Variants in GTF2A1L observed in about 807,000 individuals in gnomAD.
GTF2A1L encodes the protein general transcription factor IIA subunit 1 like.
In GTF2A1L, 48 loss-of-function variants were observed where a neutral mutation model predicts 49.7. The observed-to-expected ratio is 0.97, with a 90% CI of 0.77 to 1.23. GTF2A1L has a LOEUF of 1.23. GTF2A1L is among the 50% of genes most tolerant of loss of function. GTF2A1L has a pLI of 0.00. For missense variants in GTF2A1L, 736 were observed against 564.8 expected, an observed-to-expected ratio of 1.30 and a Z score of -3.07; for synonymous variants, 246 against 193.5, an observed-to-expected ratio of 1.27 and a Z score of -2.25.
At chr2:48,635,109 G>C (rs964416693) in intron 3 of GTF2A1L, among the ~76,000 whole-genome samples, 2 of 152,204 alleles carry the variant, frequency 1.3e-5, no homozygotes, top group Admixed American at 1.3e-4. Context: ...CCTGGGCATG[G>C]AGTGGAGAGG....
intron 3 of GTF2A1L, among the ~76,000 whole-genome samples, chr2:48,639,445 G>T (rs1253489756): frequency 6.6e-6 from 1 of 152,128 alleles, no homozygotes; most frequent in Non-Finnish European, 1.5e-5. Flanking sequence ...GTAAGCAATG[G>T]TGAAAGCACT....
chr2:48,659,266 C>G (rs917373105), intron 6 of GTF2A1L, among the ~76,000 whole-genome samples: 1 of 152,062 alleles, frequency 6.6e-6, no homozygotes, highest in Admixed American at 6.6e-5. Flanking sequence ...TTGAATTATT[C>G]CATCAAATAT....
intron 3 of GTF2A1L, 83 bp downstream of exon 3, chr2:48,621,373 A>G: frequency 6.3e-7 from 1 of 1,593,938 alleles, no homozygotes; most frequent in African/African-American, 1.3e-5. Context: ...TAGACAGGGT[A>G]ATGTTCTTAG....
intron 6 of GTF2A1L, among the ~76,000 whole-genome samples, chr2:48,659,274 T>C (rs1252096769): frequency 6.6e-6 from 1 of 152,132 alleles, no homozygotes; most frequent in East Asian, 1.9e-4. Flanking sequence ...TTCCATCAAA[T>C]ATGTTTTCTA....
At chr2:48,625,526 G>C (rs1676245943) in intron 3 of GTF2A1L, among the ~76,000 whole-genome samples, 1 of 143,576 alleles carries the variant, frequency 7.0e-6, no homozygotes, top group Non-Finnish European at 1.6e-5. Context: ...GTTTTATTTT[G>C]TTATTTGTTT....
Position 48,642,377 on chromosome 2 carries a change from T to A in GTF2A1L, c.248-25T>A, listed in dbSNP as rs760245087. 5.2e-6 allele frequency: 8 copies of A among 1,543,558 alleles called. No homozygotes were observed. The Admixed American group carries it at 1.2e-4, about 23-fold the overall frequency. On this transcript the variant is annotated intron_variant, in intron 3 of 8. Transcript: ENST00000403751. ...TTAAATTGGTAAATTCTAATGAATG[T>A]ATATTTATTTTGTTTCCTATGCAGC...
At chr2:48,637,796 A>C (rs996182214) in intron 3 of GTF2A1L, among the ~76,000 whole-genome samples, 3 of 152,166 alleles carry the variant, frequency 2.0e-5, no homozygotes, top group African/African-American at 7.2e-5. Context: ...CACTGACCCC[A>C]CAGAAATAAA....
chr2:48,643,693 A>ATTTTTTTTTTT (rs71399070), intron 4 of GTF2A1L, among the ~76,000 whole-genome samples: 1 of 120,786 alleles, frequency 8.3e-6, no homozygotes, highest in African/African-American at 2.9e-5. Flanking sequence ...TATTAATACA[A>ATTTTTTTTTTT]TTTTTTTTTT....
Position 48,646,639 on chromosome 2 carries a change from C to G in GTF2A1L, c.575C>G (p.Thr192Ser). ...ATTEKSQRIETVLQQPAILPS... is the reference protein window; with the variant it reads ...ATTEKSQRIESVLQQPAILPS... ...ACTGAAAAATCACAGAGAATTGAAA[C>G]CGTGCTACAGCAACCCGCAATTCTA... Residue 192 changes from threonine to serine, a missense_variant, in exon 6 of 9, where the codon ACC (threonine) becomes AGC (serine). Physicochemically the swap from Thr to Ser is moderately conservative, Grantham distance 58 (BLOSUM62 1). Transcript: ENST00000403751. 1 of 1,614,044 alleles carries G rather than the reference C, an allele frequency of 6.2e-7. No individual in the cohort carries two copies. Among genetic ancestry groups the G allele is most frequent in the Non-Finnish European group, 8.5e-7 (1 of 1,179,996 alleles).
At position 48,659,317 on chromosome 2, in the gene GTF2A1L, G is replaced by C. The variant is rs1416092077; in HGVS notation, c.979-10405G>C. Among the ~76,000 whole-genome samples, 6 of 152,182 alleles carry C rather than the reference G, an allele frequency of 3.9e-5. No individual in the cohort carries two copies. The East Asian group carries it at 1.2e-3, about 29-fold the overall frequency. ...TAGTTTTTCTCTTTCAAGAATGCCA[G>C]TAATTCATATATTTGATTGCTTTAC... is the stretch of plus-strand genomic sequence containing the variant. On this transcript the variant is annotated intron_variant, in intron 6 of 8. Coordinates refer to ENST00000403751, the MANE Select transcript of GTF2A1L (RefSeq NM_006872.5).
At chr2:48,659,904 A>G (rs182689936) in intron 6 of GTF2A1L, among the ~76,000 whole-genome samples, 153 of 152,268 alleles carry the variant, frequency 1.0e-3, no homozygotes, top group African/African-American at 3.5e-3. Flanking sequence ...AATTTTCTAC[A>G]TATAAAGGCA....
At chr2:48,661,720 C>G (rs1678511523) in intron 6 of GTF2A1L, among the ~76,000 whole-genome samples, 1 of 152,024 alleles carries the variant, frequency 6.6e-6, no homozygotes, top group South Asian at 2.1e-4. Context: ...GGTAACATAG[C>G]CACTGCAGCT....
At chr2:48,647,189 T>C in intron 6 of GTF2A1L, 147 bp downstream of exon 6, 1 of 744,436 alleles carries the variant, frequency 1.3e-6, no homozygotes, top group South Asian at 3.1e-5. Context: ...TTTCTAGTGA[T>C]TTAAAAAAAT....
At position 48,679,474 on chromosome 2, in the gene GTF2A1L, A is replaced by G; in HGVS notation, c.*32A>G. On this transcript the variant is annotated 3_prime_UTR_variant, in exon 9 of 9. Coordinates refer to ENST00000403751, the MANE Select transcript of GTF2A1L (RefSeq NM_006872.5). ...TGAGCTCAGTACATCTATTTTGTGA[A>G]CATCAGTTGGATTATATTGCATATT... 2 of 1,610,590 alleles carry G rather than the reference A, an allele frequency of 1.2e-6. No homozygotes were observed. Among genetic ancestry groups the G allele is most frequent in the Non-Finnish European group, 8.5e-7 (1 of 1,178,264 alleles).
rs570798421 is a variant in GTF2A1L, at chr2:48,618,093, G to C, written c.21+198G>C. The C allele has an allele frequency of 6.1e-4, 342 of 560,360 alleles. 2 individuals carry two copies. The highest frequency in any genetic ancestry group is 5.9e-3 in the African/African-American group (308 of 52,006). The allele number at this position is 560,360 out of a possible 1,614,324, so 34.7% of individuals were successfully genotyped here. On this transcript the variant is annotated intron_variant, in intron 1 of 8. Coordinates refer to ENST00000403751, the MANE Select transcript of GTF2A1L (RefSeq NM_006872.5). ...GGGCCAGTAGTTCAGCAGGAAGTTG[G>C]GCCAGCCCCGCCAAAAGAACAAGTG...
chr2:48,642,011 A>G (rs997001558), intron 3 of GTF2A1L, among the ~76,000 whole-genome samples: 2 of 152,198 alleles, frequency 1.3e-5, no homozygotes, highest in African/African-American at 4.8e-5. Context: ...AACCTATACA[A>G]TTTAGAATGG....
At chr2:48,623,863 G>C (rs1256194342) in intron 3 of GTF2A1L, among the ~76,000 whole-genome samples, 1 of 152,166 alleles carries the variant, frequency 6.6e-6, no homozygotes, top group African/African-American at 2.4e-5. Context: ...TAAACATTGG[G>C]TACATACAGA....
At chr2:48,621,750 C>G (rs745366778) in intron 3 of GTF2A1L, among the ~76,000 whole-genome samples, 1 of 152,146 alleles carries the variant, frequency 6.6e-6, no homozygotes, top group Non-Finnish European at 1.5e-5. Context: ...CAGGCTACCT[C>G]ACTGTTTTGG....
At chr2:48,674,317 T>C (rs1367970927) in intron 8 of GTF2A1L, among the ~76,000 whole-genome samples, 1 of 152,218 alleles carries the variant, frequency 6.6e-6, no homozygotes, top group Non-Finnish European at 1.5e-5. Context: ...AAATGGTATA[T>C]CATTGCGGTT....
Sources: gnomAD v4.1 joint callset for allele counts (sites outside exome capture counted in the v4.1 genomes callset) on GRCh38, gnomAD v4.1.1 for gene constraint, MANE v1.5 for transcripts, NCBI Gene and HGNC (gene_info 2026-07-23, HGNC 2026-07-21) for gene names.